Variants in LYST observed in about 807,000 individuals in gnomAD.
LYST encodes the protein lysosomal-trafficking regulator.
A neutral mutation model predicts 413.6 loss-of-function variants in LYST; 192 were observed. The ratio of observed to expected loss-of-function variants is 0.46; its 90% CI spans 0.41 to 0.52. LYST has a LOEUF of 0.52. Ranked by LOEUF, LYST falls within the 20% of genes least tolerant of loss-of-function variation. The probability of loss-of-function intolerance (pLI) is 0.00; values close to 1 mark genes in which losing one functional copy is unlikely to be tolerated. For missense variants in LYST, 3,815 were observed against 4,499.9 expected (o/e 0.85, Z 4.35); for synonymous variants, 1,525 against 1,567.3 (o/e 0.97, Z 0.64).
chr1:235,676,967 C>T (rs1659427925), intron 50 of LYST, 124 bp downstream of exon 50: 2 of 747,680 alleles, frequency 2.7e-6, no homozygotes, highest in African/African-American at 1.7e-5. Context: ...CACATACATG[C>T]TGTTACCAAA....
intron 1 of LYST, among the ~76,000 whole-genome samples, chr1:235,860,111 C>T (rs1162521720): frequency 6.6e-6 from 1 of 152,146 alleles, no homozygotes; most frequent in Non-Finnish European, 1.5e-5. Flanking sequence ...CTTCCTCTCC[C>T]CCCATTTTTA....
chr1:235,709,050 T>C (rs1662202656), intron 44 of LYST, 41 bp downstream of exon 44: 1 of 1,551,116 alleles, frequency 6.4e-7, no homozygotes, highest in Non-Finnish European at 8.9e-7. Flanking sequence ...ATTCAGGTTC[T>C]ATCTTATATA....
chr1:235,804,433 C>A, intron 7 of LYST, 71 bp downstream of exon 7: 1 of 1,182,758 alleles, frequency 8.5e-7, no homozygotes, highest in East Asian at 2.3e-5. Flanking sequence ...CATCAGCGTC[C>A]TAGTGTCATC....
At chr1:235,710,004 TTA>T (rs2103120643) in intron 43 of LYST, among the ~76,000 whole-genome samples, 2 of 152,294 alleles carry the variant, frequency 1.3e-5, no homozygotes, top group South Asian at 4.1e-4. Context: ...TTTAAAAAAA[TTA>T]TCCTAAAGGA....
chr1:235,716,570 A>G lies in LYST; in HGVS notation c.9627+142T>C, dbSNP rs573548349. 6.3e-5 allele frequency: 38 copies of G among 598,754 alleles called. No individual in the cohort carries two copies. The East Asian group carries it at 9.6e-4, about 15-fold the overall frequency. 37.1% of individuals were successfully genotyped at this position (598,754 alleles called of 1,614,324 possible). ...GATAGAAAATGATATTTCATTTCAC[A>G]TAATGATTTCTAGTTGTCTGTCAAT... On this transcript the variant is annotated intron_variant, in intron 41 of 52. Coordinates refer to ENST00000389793, the MANE Select transcript of LYST (RefSeq NM_000081.4).
intron 24 of LYST, among the ~76,000 whole-genome samples, chr1:235,756,638 A>G (rs1667077125): frequency 6.6e-6 from 1 of 152,180 alleles, no homozygotes; most frequent in African/African-American, 2.4e-5. Context: ...AATGGAAACT[A>G]TTCATATCAA....
chr1:235,762,248 C>G (rs956036886), intron 22 of LYST, among the ~76,000 whole-genome samples: 1 of 152,032 alleles, frequency 6.6e-6, no homozygotes, highest in East Asian at 1.9e-4. Context: ...TAGAACAAAG[C>G]GGGATATTGT....
intron 21 of LYST, among the ~76,000 whole-genome samples, chr1:235,763,176 A>G (rs1667762453): frequency 6.6e-6 from 1 of 152,188 alleles, no homozygotes; most frequent in Non-Finnish European, 1.5e-5. Context: ...GAGATTGTTC[A>G]TCCTTGAGGA....
chr1:235,663,929 G>A, intron 52 of LYST, 55 bp downstream of exon 52: 5 of 1,423,790 alleles, frequency 3.5e-6, no homozygotes, highest in South Asian at 1.1e-5. Flanking sequence ...ACCTCTCTAC[G>A]AAAAATACAA....
chr1:235,664,377 T>G lies in LYST; in HGVS notation c.11195+88A>C. Reference sequence around the variant, plus strand: ...GTTTAAATCTCTAAATACTGAATATTAATATGCCTAGATATTAAAAATTAA... The same window carrying G: ...GTTTAAATCTCTAAATACTGAATATGAATATGCCTAGATATTAAAAATTAA... On this transcript the variant is annotated intron_variant, in intron 51 of 52. Coordinates refer to ENST00000389793, the MANE Select transcript of LYST (RefSeq NM_000081.4). This position sits in a 1 kb window ranked among gnomAD's most constrained non-coding sequence, Gnocchi z 4.5. The G allele has an allele frequency of 8.2e-7, 1 of 1,223,592 alleles. No homozygotes were observed. Among genetic ancestry groups the G allele is most frequent in the East Asian group, 2.4e-5 (1 of 41,468 alleles). The allele number at this position is 1,223,592 out of a possible 1,614,324, so 75.8% of individuals were successfully genotyped here.
At chr1:235,691,219 C>T (rs1032673472) in intron 47 of LYST, among the ~76,000 whole-genome samples, 1 of 152,044 alleles carries the variant, frequency 6.6e-6, no homozygotes, top group African/African-American at 2.4e-5. Flanking sequence ...CGCCTGGCTA[C>T]AGTTTACAAG....
At chr1:235,828,634 T>C (rs1220198888) in intron 3 of LYST, 1 of 335,492 alleles carries the variant, frequency 3.0e-6, no homozygotes, top group African/African-American at 2.2e-5. Context: ...AGAAGTACTG[T>C]ACATATTTTA....
intron 4 of LYST, among the ~76,000 whole-genome samples, chr1:235,812,751 A>C (rs1558288840): frequency 6.6e-6 from 1 of 152,186 alleles, no homozygotes; most frequent in Non-Finnish European, 1.5e-5. Flanking sequence ...TACATTTTCT[A>C]ATCATCAGTA....
chr1:235,854,766 CT>C lies in LYST; in HGVS notation c.-98+12076del, dbSNP rs1678967854. ...ATCACCTTGAATCTGGTCCTTCCCC[CT>C]AATCTTACACCTAAGCATCCTTAGA... On this transcript the variant is annotated intron_variant, in intron 1 of 52. Transcript: ENST00000389793. This position sits in a 1 kb window ranked among gnomAD's most constrained non-coding sequence, Gnocchi z 4.1. 6.6e-6 allele frequency among the ~76,000 whole-genome samples: 1 copy of C among 152,134 alleles called. No individual in the cohort carries two copies. Among genetic ancestry groups the C allele is most frequent in the African/African-American group, 2.4e-5 (1 of 41,424 alleles).
chr1:235,696,972 T>C lies in LYST; in HGVS notation c.10564+111A>G, dbSNP rs1661157322. On this transcript the variant is annotated intron_variant, in intron 46 of 52. Coordinates refer to ENST00000389793, the MANE Select transcript of LYST (RefSeq NM_000081.4). ...TACTTTGCACTAAATAACCACAAAT[T>C]TGAGCTGAGTTTTTCCACCAAGGAC... The C allele has an allele frequency of 3.9e-6, 4 of 1,026,334 alleles. 1 individual carries two copies. The highest frequency in any genetic ancestry group is 2.7e-5 in the South Asian group (2 of 73,380). The allele number at this position is 1,026,334 out of a possible 1,614,324, so 63.6% of individuals were successfully genotyped here. A position where few individuals can be genotyped will look rare whatever the true frequency, so the allele number is the denominator to read the frequency against.
chr1:235,837,137 A>G (rs1676662106), intron 1 of LYST, among the ~76,000 whole-genome samples: 1 of 152,188 alleles, frequency 6.6e-6, no homozygotes, highest in Non-Finnish European at 1.5e-5. Flanking sequence ...GAATGAGTGT[A>G]AGGGAGCAGA....
intron 12 of LYST, among the ~76,000 whole-genome samples, chr1:235,789,546 T>A (rs1329550239): frequency 1.3e-5 from 2 of 151,874 alleles, no homozygotes; most frequent in African/African-American, 4.9e-5. Context: ...AAAGCTATGT[T>A]ATGATATATC....
rs578095468 is a variant in LYST at position 235,814,296 on chromosome 1, T to C, written c.193-1235A>G. Among the ~76,000 whole-genome samples, 6 of 152,228 alleles carry C rather than the reference T, an allele frequency of 3.9e-5. No individual in the cohort carries two copies. In the South Asian group the frequency reaches 1.2e-3, roughly 32 times the overall value. ...ACAGCTTTTTAGTAGACAGTAAATA[T>C]ATAGATCTGGAACTTAAAAAAATAT... On this transcript the variant is annotated intron_variant, in intron 3 of 52. Coordinates refer to ENST00000389793, the MANE Select transcript of LYST (RefSeq NM_000081.4).
In LYST at chr1:235,866,882, T is replaced by G. The variant is rs1330610574; in HGVS notation, c.-137A>C. On this transcript the variant is annotated 5_prime_UTR_variant, in exon 1 of 53. Coordinates refer to ENST00000389793, the MANE Select transcript of LYST (RefSeq NM_000081.4). Reference sequence around the variant, plus strand: ...CTGCGGCCGCCGCGCACTCCCCCTCTCCCGGAGAACCCCGAGCCGACGCCG... The same window carrying G: ...CTGCGGCCGCCGCGCACTCCCCCTCGCCCGGAGAACCCCGAGCCGACGCCG... 2 of 151,080 alleles carry G rather than the reference T, an allele frequency of 1.3e-5. No homozygotes were observed. Among genetic ancestry groups the G allele is most frequent in the African/African-American group, 5.0e-5 (2 of 40,374 alleles). 9.4% of individuals were successfully genotyped at this position (151,080 alleles called of 1,614,324 possible). A position where few individuals can be genotyped will look rare whatever the true frequency, so the allele number is the denominator to read the frequency against.
Sources: gnomAD v4.1 joint callset for allele counts (sites outside exome capture counted in the v4.1 genomes callset) on GRCh38, gnomAD v4.1.1 for gene constraint, Gnocchi (gnomAD v3.1) non-coding constraint, MANE v1.5 for transcripts, NCBI Gene and HGNC (gene_info 2026-07-23, HGNC 2026-07-21) for gene names.